Variants in CADM2 observed in about 807,000 individuals in gnomAD.
CADM2 encodes the protein immunoglobulin superfamily member 4D.
In CADM2, 12 loss-of-function variants were observed where a neutral mutation model predicts 49.8. The ratio of observed to expected loss-of-function variants is 0.24; its 90% CI spans 0.15 to 0.39. The LOEUF (loss-of-function observed/expected upper bound fraction) is 0.39. Ranked by LOEUF, CADM2 falls within the 10% of genes least tolerant of loss-of-function variation. The pLI, the probability that CADM2 is intolerant of heterozygous loss-of-function variation, is 1.00. For synonymous variants in CADM2, 214 were observed against 175.4 expected (o/e 1.22, Z -1.74); for missense variants, 378 against 492.3 (o/e 0.77, Z 2.20).
chr3:85,957,374 A>G (rs753404323), intron 7 of CADM2, among the ~76,000 whole-genome samples: 2 of 151,764 alleles, frequency 1.3e-5, no homozygotes, highest in Non-Finnish European at 2.9e-5. Context: ...ACTTGTTATC[A>G]TATAATGCTC....
chr3:85,014,517 C>G (rs2034158104), intron 1 of CADM2, among the ~76,000 whole-genome samples: 1 of 152,114 alleles, frequency 6.6e-6, no homozygotes, highest in Admixed American at 6.6e-5. Context: ...TTCTTGGTTT[C>G]AGGCATCTCC....
chr3:85,732,556 A>T (rs1237405165), intron 2 of CADM2, among the ~76,000 whole-genome samples: 1 of 149,212 alleles, frequency 6.7e-6, no homozygotes, highest in Non-Finnish European at 1.5e-5. Flanking sequence ...CTCTAAGAAA[A>T]TTGCTGAAGA....
chr3:85,887,675 TTA>T (rs1713856045), intron 5 of CADM2, among the ~76,000 whole-genome samples: 4 of 152,174 alleles, frequency 2.6e-5, no homozygotes, highest in Non-Finnish European at 2.9e-5. Context: ...AAGACACAAG[TTA>T]GACATCTTAT....
chr3:85,818,327 G>T (rs971388898), intron 3 of CADM2, among the ~76,000 whole-genome samples: 7 of 152,202 alleles, frequency 4.6e-5, no homozygotes, highest in African/African-American at 1.4e-4. Flanking sequence ...GGTGAGAAAT[G>T]TATGAAAGAG....
At chr3:85,064,124 T>C (rs542755006) in intron 1 of CADM2, among the ~76,000 whole-genome samples, 3 of 152,212 alleles carry the variant, frequency 2.0e-5, no homozygotes, top group African/African-American at 7.2e-5. Flanking sequence ...TCTCAGAGTT[T>C]CCCGCCTTTG....
At chr3:85,026,808 G>A (rs886349964) in intron 1 of CADM2, among the ~76,000 whole-genome samples, 2 of 152,028 alleles carry the variant, frequency 1.3e-5, no homozygotes, top group African/African-American at 4.8e-5. Flanking sequence ...TAAAATTATG[G>A]TATGTATGCA....
rs138217176 is a variant in CADM2, at chr3:85,812,342, G to T, written c.238+10146G>T. Reference sequence around the variant, plus strand: ...TGAAAACAGGCTTTTTTGATAAAGTGAATTCCTTTAAAGTAATTATAACTG... The same window carrying T: ...TGAAAACAGGCTTTTTTGATAAAGTTAATTCCTTTAAAGTAATTATAACTG... On this transcript the variant is annotated intron_variant, in intron 3 of 9. Transcript: ENST00000383699. Among the ~76,000 whole-genome samples, 412 of 152,002 alleles carry T rather than the reference G, an allele frequency of 2.7e-3. 1 individual carries two copies. The highest frequency in any genetic ancestry group is 9.1e-3 in the African/African-American group (376 of 41,474).
intron 1 of CADM2, among the ~76,000 whole-genome samples, chr3:85,360,275 A>G (rs994042840): frequency 1.3e-5 from 2 of 152,268 alleles, no homozygotes; most frequent in Admixed American, 1.3e-4. Context: ...TGAAACATCT[A>G]CTATTGTTAG....
chr3:86,043,888 G>T (rs915866950), intron 8 of CADM2, among the ~76,000 whole-genome samples: 3 of 152,092 alleles, frequency 2.0e-5, no homozygotes, highest in African/African-American at 7.2e-5. Context: ...ACAGAACAGA[G>T]CCCTCAGAAA....
At chr3:85,251,166 A>G (rs2042765470) in intron 1 of CADM2, among the ~76,000 whole-genome samples, 1 of 151,786 alleles carries the variant, frequency 6.6e-6, no homozygotes, top group African/African-American at 2.4e-5. Context: ...TTTTCAATTT[A>G]CAAAATATAA....
rs117378895 is a variant in CADM2, at chr3:85,207,159, G to A, written c.61+247491G>A. On this transcript the variant is annotated intron_variant, in intron 1 of 9. Coordinates refer to ENST00000383699, the MANE Select transcript of CADM2 (RefSeq NM_001167675.2). ...TTCATCATGTGTTTAAAATACTTGCGTGAAACATGTTTTAATGCAAATGCA... is the reference window on the plus strand; with the variant it reads ...TTCATCATGTGTTTAAAATACTTGCATGAAACATGTTTTAATGCAAATGCA... Among the ~76,000 whole-genome samples the A allele has an allele frequency of 3.7e-4, 56 of 151,928 alleles. 1 individual carries two copies. The East Asian group carries it at 0.01, about 28-fold the overall frequency.
intron 3 of CADM2, among the ~76,000 whole-genome samples, chr3:85,877,029 T>C (rs1711957917): frequency 6.6e-6 from 1 of 152,154 alleles, no homozygotes; most frequent in Non-Finnish European, 1.5e-5. Context: ...TACTATTTAA[T>C]AGAGTTTTAC....
intron 8 of CADM2, among the ~76,000 whole-genome samples, chr3:86,036,165 C>A (rs1224179495): frequency 6.6e-6 from 1 of 152,034 alleles, no homozygotes; most frequent in African/African-American, 2.4e-5. Flanking sequence ...TGTGTCATGA[C>A]CTTAAAAACC....
At chr3:85,107,530 C>G (rs948721241) in intron 1 of CADM2, among the ~76,000 whole-genome samples, 4 of 151,954 alleles carry the variant, frequency 2.6e-5, no homozygotes. Flanking sequence ...AATGGTGCAG[C>G]CTCTGTGGAA....
At chr3:86,027,904 C>A (rs1414487024) in intron 8 of CADM2, 3 of 151,580 alleles carry the variant, frequency 2.0e-5, no homozygotes, top group Non-Finnish European at 2.9e-5. Context: ...AGGAACATCC[C>A]GAATCAGATC....
chr3:85,050,990 G>A (rs2035861215), intron 1 of CADM2, among the ~76,000 whole-genome samples: 1 of 152,140 alleles, frequency 6.6e-6, no homozygotes, highest in Non-Finnish European at 1.5e-5. Context: ...CCGCTGAAAA[G>A]CCTGCCAGCC....
Position 85,806,649 on chromosome 3 carries a change from T to G in CADM2, c.238+4453T>G, listed in dbSNP as rs568092658. 5.3e-5 allele frequency among the ~76,000 whole-genome samples: 8 copies of G among 152,038 alleles called. No homozygotes were observed. In the South Asian group the frequency reaches 1.7e-3, roughly 32 times the overall value. ...ACTTGGGAGGCTGAGGCATGAGCAT[T>G]GCTTGAACCCAGGAACCGGAGGTTG... is the stretch of plus-strand genomic sequence containing the variant. On this transcript the variant is annotated intron_variant, in intron 3 of 9. Transcript: ENST00000383699.
intron 1 of CADM2, among the ~76,000 whole-genome samples, chr3:85,043,248 G>A (rs761180471): frequency 1.3e-5 from 2 of 152,032 alleles, no homozygotes; most frequent in African/African-American, 4.8e-5. Context: ...CAGGTAGGAA[G>A]GGGCCAGTCA....
intron 1 of CADM2, among the ~76,000 whole-genome samples, chr3:85,502,377 T>C (rs973829933): frequency 5.9e-5 from 9 of 152,002 alleles, no homozygotes; most frequent in Admixed American, 1.3e-4. Flanking sequence ...ACTTTGGTCG[T>C]TGGCTACTCT....
Sources: allele counts gnomAD v4.1 joint callset (sites outside exome capture counted in the v4.1 genomes callset), GRCh38; gene constraint gnomAD v4.1.1; transcripts MANE v1.5; gene names NCBI Gene and HGNC (gene_info 2026-07-23, HGNC 2026-07-21).